The following NLGN4X variants were observed in gnomAD, a reference collection of about 807,000 sequenced individuals.
The protein encoded by NLGN4X is neuroligin-4, X-linked.
A neutral mutation model predicts 40.3 loss-of-function variants in NLGN4X; 3 were observed. The ratio of observed to expected loss-of-function variants is 0.07; its 90% CI spans 0.03 to 0.19. NLGN4X has a LOEUF of 0.19. Ranked by LOEUF, NLGN4X falls within the 10% of genes least tolerant of loss-of-function variation. NLGN4X has a pLI of 1.00. For synonymous variants in NLGN4X, 270 were observed against 306.8 expected, an observed-to-expected ratio of 0.88 and a Z score of 1.25; for missense variants, 382 against 708.3, an observed-to-expected ratio of 0.54 and a Z score of 5.23.
Position 5,937,199 on chromosome X carries a change from C to A in NLGN4X, c.626-27960G>T, listed in dbSNP as rs745624639. Reference sequence around the variant, plus strand: ...CAGGTATCCTCCAGCCTCAGCCTCCCAAGCAGCCAGGACTACAGGCAGGTG... The same window carrying A: ...CAGGTATCCTCCAGCCTCAGCCTCCAAAGCAGCCAGGACTACAGGCAGGTG... On this transcript the variant is annotated intron_variant, in intron 3 of 5. Coordinates refer to ENST00000381095, the MANE Select transcript of NLGN4X (RefSeq NM_181332.3). Among the ~76,000 whole-genome samples the A allele has an allele frequency of 5.4e-5, 6 of 110,689 alleles. No homozygotes were observed. The East Asian group carries it at 1.7e-3, about 32-fold the overall frequency.
At chrX:6,176,986 T>C (rs1395597407) in intron 1 of NLGN4X, among the ~76,000 whole-genome samples, 4 of 112,155 alleles carry the variant, frequency 3.6e-5, no homozygotes, top group African/African-American at 1.3e-4. Context: ...TGTCAGCCTA[T>C]ATTATAACTA....
intron 2 of NLGN4X, among the ~76,000 whole-genome samples, chrX:6,085,136 A>C (rs2038464985): frequency 9.2e-6 from 1 of 109,256 alleles, no homozygotes; most frequent in African/African-American, 3.3e-5. Context: ...TCTTAGTGAG[A>C]GAATTAAAGT....
chrX:6,021,051 TCCCTCCCTCCCTCCCTCC>T (rs1569190135), intron 3 of NLGN4X, among the ~76,000 whole-genome samples: 10 of 23,381 alleles, frequency 4.3e-4, no homozygotes, highest in Middle Eastern at 0.038. Flanking sequence ...TCTCTCTCCC[TCCCTCCCTCCCTCCCTCC>T]CTCCCTCCCT....
chrX:6,138,123 A>G (rs1414639686), intron 2 of NLGN4X, among the ~76,000 whole-genome samples: 1 of 111,674 alleles, frequency 9.0e-6, no homozygotes, highest in African/African-American at 3.3e-5. Context: ...GAGGTATTCT[A>G]TTTTCTTTTT....
chrX:6,049,480 G>A (rs1429376761), intron 2 of NLGN4X, among the ~76,000 whole-genome samples: 1 of 108,752 alleles, frequency 9.2e-6, no homozygotes, highest in Non-Finnish European at 1.9e-5. Flanking sequence ...CTCCACATAG[G>A]TTAGCTACTT....
intron 2 of NLGN4X, among the ~76,000 whole-genome samples, chrX:6,141,907 C>T (rs1418298381): frequency 7.2e-5 from 8 of 111,351 alleles, no homozygotes; most frequent in Middle Eastern, 4.6e-3. Flanking sequence ...ATGTTCAAAC[C>T]AGCAATATTA....
At chrX:6,179,765 G>T (rs1272173208) in intron 1 of NLGN4X, among the ~76,000 whole-genome samples, 2 of 111,847 alleles carry the variant, frequency 1.8e-5, no homozygotes, top group Admixed American at 1.9e-4. Flanking sequence ...TTCTCTCAAA[G>T]GCAATTCCAA....
intron 2 of NLGN4X, among the ~76,000 whole-genome samples, chrX:6,087,582 T>C (rs2038528748): frequency 8.9e-6 from 1 of 111,863 alleles, no homozygotes; most frequent in African/African-American, 3.2e-5. Flanking sequence ...TATCTTTGTG[T>C]ATATATCTGT....
chrX:6,077,802 A>C (rs1313310698), intron 2 of NLGN4X, among the ~76,000 whole-genome samples: 1 of 111,813 alleles, frequency 8.9e-6, no homozygotes, highest in Non-Finnish European at 1.9e-5. Flanking sequence ...TATGACCAAA[A>C]CCAGGATTCA....
Position 6,154,649 on chromosome X carries a change from A to G in NLGN4X, c.-305-2878T>C, listed in dbSNP as rs779115994. 3.6e-5 allele frequency among the ~76,000 whole-genome samples: 4 copies of G among 112,193 alleles called. No homozygotes were observed. The East Asian group carries it at 1.1e-3, about 31-fold the overall frequency. ...TAAGATAAAGAGGATATGCTACAAA[A>G]TGAATTCTAAAATTGTTAATGGATT... On this transcript the variant is annotated intron_variant, in intron 1 of 5. Coordinates refer to ENST00000381095, the MANE Select transcript of NLGN4X (RefSeq NM_181332.3).
At chrX:5,996,411 G>A (rs1302421179) in intron 3 of NLGN4X, among the ~76,000 whole-genome samples, 1 of 111,503 alleles carries the variant, frequency 9.0e-6, no homozygotes, top group Non-Finnish European at 1.9e-5. Context: ...GTCACCTAGG[G>A]ACTGCAAGAT....
At chrX:6,170,517 T>C (rs2040583295) in intron 1 of NLGN4X, among the ~76,000 whole-genome samples, 1 of 111,870 alleles carries the variant, frequency 8.9e-6, no homozygotes, top group African/African-American at 3.2e-5. Context: ...CCATTCAATC[T>C]TGGCCTTATC....
intron 2 of NLGN4X, among the ~76,000 whole-genome samples, chrX:6,133,096 TATC>T (rs1467343075): frequency 9.1e-6 from 1 of 109,842 alleles, no homozygotes; most frequent in Non-Finnish European, 1.9e-5. Flanking sequence ...TCTTCATTGC[TATC>T]ATCATCATAA....
chrX:5,943,013 A>T (rs940935651), intron 3 of NLGN4X, among the ~76,000 whole-genome samples: 5 of 111,877 alleles, frequency 4.5e-5, no homozygotes, highest in Non-Finnish European at 1.9e-5. Context: ...ATGTCAAGAT[A>T]AGCTGATTAT....
chrX:6,143,665 C>T lies in NLGN4X; in HGVS notation c.472+7330G>A, dbSNP rs150011818. Among the ~76,000 whole-genome samples, 807 of 111,708 alleles carry T rather than the reference C, an allele frequency of 7.2e-3. 10 individuals are homozygous for T. Among genetic ancestry groups the T allele is most frequent in the African/African-American group, 0.025 (765 of 30,746 alleles). ...CCATTTAGGACAATTGGCCATGAGG[C>T]TATATTAACATGATGCAAAATGTCA... On this transcript the variant is annotated intron_variant, in intron 2 of 5. Transcript: ENST00000381095.
intron 3 of NLGN4X, among the ~76,000 whole-genome samples, chrX:5,986,425 G>T (rs1273194690): frequency 9.0e-6 from 1 of 110,586 alleles, no homozygotes; most frequent in African/African-American, 3.3e-5. Flanking sequence ...TATATTCCCT[G>T]TGTGGTTTCA....
chrX:5,921,814 T>A (rs936447051), intron 3 of NLGN4X, among the ~76,000 whole-genome samples: 1 of 111,581 alleles, frequency 9.0e-6, no homozygotes, highest in Non-Finnish European at 1.9e-5. Context: ...AGCTACACGG[T>A]GTTAGGCTTT....
intron 2 of NLGN4X, among the ~76,000 whole-genome samples, chrX:6,121,286 A>G (rs969303047): frequency 9.7e-6 from 1 of 102,668 alleles, no homozygotes; most frequent in Non-Finnish European, 2.0e-5. Context: ...GAATTACCCT[A>G]TGACTAACAT....
chrX:6,134,687 T>C (rs763029737), intron 2 of NLGN4X, among the ~76,000 whole-genome samples: 7 of 112,503 alleles, frequency 6.2e-5, no homozygotes, highest in African/African-American at 2.3e-4. Context: ...TAGCAAACAA[T>C]CCAATGACAC....
Sources: gnomAD v4.1 joint callset for allele counts (sites outside exome capture counted in the v4.1 genomes callset) on GRCh38, gnomAD v4.1.1 for gene constraint, MANE v1.5 for transcripts, NCBI Gene and HGNC (gene_info 2026-07-23, HGNC 2026-07-21) for gene names.